The following ABCG2 variants were observed in gnomAD, a reference collection of about 807,000 sequenced individuals.
ABCG2 encodes ATP binding cassette subfamily G member 2 (JR blood group).
A neutral mutation model predicts 73.5 loss-of-function variants in ABCG2; 80 were observed. The observed-to-expected ratio is 1.09, with a 90% CI of 0.91 to 1.31. The LOEUF (loss-of-function observed/expected upper bound fraction) is 1.31, where lower values mean the gene tolerates loss of function less well. ABCG2 is among the 50% of genes most tolerant of loss of function. The pLI, the probability that ABCG2 is intolerant of heterozygous loss-of-function variation, is 0.00. For synonymous variants in ABCG2, 269 were observed against 282.4 expected (o/e 0.95, Z 0.48); for missense variants, 796 against 786.2 (o/e 1.01, Z -0.15).
chr4:88,219,264 G>A (rs1157748144), intron 1 of ABCG2, among the ~76,000 whole-genome samples: 1 of 152,122 alleles, frequency 6.6e-6, no homozygotes, highest in Non-Finnish European at 1.5e-5. Flanking sequence ...AGTATTCACT[G>A]AATAGCTACC....
chr4:88,211,946 AT>A (rs1468497604), intron 1 of ABCG2, among the ~76,000 whole-genome samples: 1 of 152,168 alleles, frequency 6.6e-6, no homozygotes, highest in Non-Finnish European at 1.5e-5. Context: ...ATTTCGAGTG[AT>A]TTATGGGAAT....
At chr4:88,204,810 T>C (rs542358482) in intron 1 of ABCG2, among the ~76,000 whole-genome samples, 1 of 152,328 alleles carries the variant, frequency 6.6e-6, no homozygotes, top group South Asian at 2.1e-4. Flanking sequence ...CAGAGAAGGA[T>C]TAATTGTATT....
intron 9 of ABCG2, among the ~76,000 whole-genome samples, chr4:88,110,684 G>T (rs1578184844): frequency 6.6e-6 from 1 of 152,020 alleles, no homozygotes; most frequent in East Asian, 1.9e-4. Context: ...TTTATTATTG[G>T]AATACTGCCA....
At chr4:88,174,937 T>G (rs1447754590) in intron 1 of ABCG2, among the ~76,000 whole-genome samples, 13 of 152,238 alleles carry the variant, frequency 8.5e-5, no homozygotes, top group Admixed American at 7.9e-4. Flanking sequence ...AGTTTCAGTT[T>G]TCTGCATATG....
chr4:88,173,349 A>G (rs1323792436), intron 1 of ABCG2, among the ~76,000 whole-genome samples: 1 of 152,140 alleles, frequency 6.6e-6, no homozygotes, highest in Non-Finnish European at 1.5e-5. Context: ...TAGGAAATGG[A>G]ATTATGTTCT....
chr4:88,177,157 G>T (rs998704590), intron 1 of ABCG2, among the ~76,000 whole-genome samples: 50 of 152,278 alleles, frequency 3.3e-4, no homozygotes, highest in Admixed American at 7.8e-4. Context: ...CGGATCGCAA[G>T]GTCAGGAGAT....
chr4:88,125,097 C>G (rs1724293941), intron 5 of ABCG2, among the ~76,000 whole-genome samples: 1 of 151,522 alleles, frequency 6.6e-6, no homozygotes, highest in Non-Finnish European at 1.5e-5. Flanking sequence ...TCAAGACCAT[C>G]CTGGCTAACA....
chr4:88,166,869 A>C (rs1306931310), intron 1 of ABCG2, among the ~76,000 whole-genome samples: 1 of 152,096 alleles, frequency 6.6e-6, no homozygotes, highest in African/African-American at 2.4e-5. Flanking sequence ...CAAAAGTTGA[A>C]ACAGGAGGAT....
intron 9 of ABCG2, among the ~76,000 whole-genome samples, chr4:88,110,482 A>G (rs1433883877): frequency 6.6e-6 from 1 of 151,984 alleles, no homozygotes; most frequent in African/African-American, 2.4e-5. Flanking sequence ...GGCGGAGGTT[A>G]CAGTGAGCCG....
At chr4:88,140,114 G>A (rs906093416) in intron 1 of ABCG2, 100 bp from the exon 2 acceptor site, 23 of 952,558 alleles carry the variant, frequency 2.4e-5, no homozygotes, top group African/African-American at 2.0e-4. Context: ...TTAAATGTGC[G>A]GCAATGAGCA....
chr4:88,190,038 G>A (rs1728621278), intron 1 of ABCG2, among the ~76,000 whole-genome samples: 1 of 152,198 alleles, frequency 6.6e-6, no homozygotes, highest in South Asian at 2.1e-4. Context: ...AAATGTACAT[G>A]AGTCATAAAT....
Position 88,202,354 on chromosome 4 carries a change from T to TTATATATATATATATA in ABCG2, c.-20+28624_-20+28639dup, listed in dbSNP as rs57530549. On this transcript the variant is annotated intron_variant, in intron 1 of 15. Coordinates refer to the ABCG2 transcript ENST00000515655. Reference sequence around the variant, plus strand: ...AGGAGGACCCCATCTCTACAATTATTTATATATATATATATATATATATGT... The same window carrying TTATATATATATATATA: ...AGGAGGACCCCATCTCTACAATTATTTATATATATATATATATATATATATATATATATATATATGT... 4.8e-5 allele frequency among the ~76,000 whole-genome samples: 3 copies of TTATATATATATATATA among 62,072 alleles called. No individual in the cohort carries two copies. In the South Asian group the frequency reaches 2.4e-3, roughly 50 times the overall value. The allele number at this position is 62,072 out of a possible 152,430, so 40.7% of individuals were successfully genotyped here.
At chr4:88,148,836 A>G (rs1008271704) in intron 1 of ABCG2, among the ~76,000 whole-genome samples, 1 of 152,184 alleles carries the variant, frequency 6.6e-6, no homozygotes. Context: ...AACCACTACA[A>G]TCAAGACAGA....
At chr4:88,158,266 G>A (rs1441492134) in intron 1 of ABCG2, 120 bp downstream of exon 1, 8 of 321,292 alleles carry the variant, frequency 2.5e-5, no homozygotes, top group Non-Finnish European at 3.6e-5. Context: ...ACTGCGAAAG[G>A]CTAAAAAACT....
chr4:88,092,171 A>C lies in ABCG2; in HGVS notation c.*63T>G. 4.8e-6 allele frequency: 7 copies of C among 1,466,122 alleles called. No individual in the cohort carries two copies. The highest frequency in any genetic ancestry group is 6.5e-6 in the Non-Finnish European group (7 of 1,079,940). The allele number at this position is 1,466,122 out of a possible 1,614,324, so 90.8% of individuals were successfully genotyped here. A position where few individuals can be genotyped will look rare whatever the true frequency, so the allele number is the denominator to read the frequency against. ...AGAAAACAACAAAAAAACTTGATTG[A>C]ATACTTCAATCAAAGTGCTTCTTTT... is the stretch of plus-strand genomic sequence containing the variant. On this transcript the variant is annotated 3_prime_UTR_variant, in exon 16 of 16. Coordinates refer to ENST00000237612, the MANE Select transcript of ABCG2 (RefSeq NM_004827.3).
intron 1 of ABCG2, among the ~76,000 whole-genome samples, chr4:88,185,542 T>A (rs2110103136): frequency 6.6e-6 from 1 of 151,960 alleles, no homozygotes; most frequent in Non-Finnish European, 1.5e-5. Context: ...AAGAAAATAA[T>A]CAACAAAGTG....
intron 7 of ABCG2, among the ~76,000 whole-genome samples, chr4:88,117,219 G>C (rs1309616484): frequency 2.0e-5 from 3 of 151,962 alleles, no homozygotes; most frequent in Admixed American, 6.6e-5. Flanking sequence ...AGCTGCTTGG[G>C]TGAGGTGGGA....
At chr4:88,092,863 G>A (rs568975804) in intron 15 of ABCG2, among the ~76,000 whole-genome samples, 1 of 152,116 alleles carries the variant, frequency 6.6e-6, no homozygotes, top group South Asian at 2.1e-4. Flanking sequence ...TACTCTTTAC[G>A]CTTACAAATA....
chr4:88,091,154 T>C lies in ABCG2; in HGVS notation c.*1080A>G, dbSNP rs1721622182. The C allele has an allele frequency of 6.6e-6, 1 of 152,220 alleles. No individual in the cohort carries two copies. Among genetic ancestry groups the C allele is most frequent in the African/African-American group, 2.4e-5 (1 of 41,458 alleles). 9.4% of individuals were successfully genotyped at this position (152,220 alleles called of 1,614,324 possible). On this transcript the variant is annotated 3_prime_UTR_variant, in exon 16 of 16. Coordinates refer to ENST00000237612, the MANE Select transcript of ABCG2 (RefSeq NM_004827.3). ...GAGAATGGCTGAGTAGGCTTTTGTG[T>C]GCTACAATCTTCTATTTCTTGACCT...
Sources: allele counts gnomAD v4.1 joint callset (sites outside exome capture counted in the v4.1 genomes callset), GRCh38; gene constraint gnomAD v4.1.1; transcripts MANE v1.5; gene names NCBI Gene and HGNC (gene_info 2026-07-23, HGNC 2026-07-21).